ZNF462: variants seen among roughly 807,000 people sequenced by gnomAD.
ZNF462 encodes the protein zinc finger PBX1-interacting protein.
A neutral mutation model predicts 201.9 loss-of-function variants in ZNF462; 10 were observed. That is an observed-to-expected ratio of 0.05 (90% confidence interval 0.03 to 0.08). The LOEUF is 0.08. Ranked by LOEUF, ZNF462 falls within the 10% of genes least tolerant of loss-of-function variation. ZNF462 has a pLI of 1.00. For synonymous variants in ZNF462, 1,227 were observed against 1,193.3 expected (o/e 1.03, Z -0.58); for missense variants, 2,523 against 3,168.3 (o/e 0.80, Z 4.89).
chr9:106,887,684 CCTTTA>C (rs1262442666), intron 1 of ZNF462, among the ~76,000 whole-genome samples: 6 of 152,180 alleles, frequency 3.9e-5, no homozygotes, highest in South Asian at 2.1e-4. Context: ...TCCTTTCTCT[CCTTTA>C]CTTTAATGAG....
chr9:106,991,676 G>T (rs550833394), intron 10 of ZNF462, among the ~76,000 whole-genome samples: 16 of 152,018 alleles, frequency 1.1e-4, no homozygotes, highest in Middle Eastern at 3.4e-3. Context: ...TAGATCAGTA[G>T]TGCAGAAGCA....
In ZNF462 at chr9:106,968,383, C is replaced by CTTT. The variant is rs1405648735; in HGVS notation, c.6428-3620_6428-3619insTTT. Among the ~76,000 whole-genome samples, 3 of 152,188 alleles carry CTTT rather than the reference C, an allele frequency of 2.0e-5. No individual in the cohort carries two copies. In the South Asian group the frequency reaches 6.2e-4, roughly 32 times the overall value. ...ATTTGATCCTGATTTTAATTCATTT[C>CTTT]TTATGATAGCTTACAAACTGGAGAA... On this transcript the variant is annotated intron_variant, in intron 7 of 12. Coordinates refer to ENST00000277225, the MANE Select transcript of ZNF462 (RefSeq NM_021224.6). The surrounding 1 kb of genome is among the most constrained non-coding windows in gnomAD (Gnocchi z 4.0).
rs757080536 is a variant in ZNF462 at position 106,925,253 on chromosome 9, C to T, written c.1341C>T (p.Leu447=). ...TCCAGTGCCCCTTTTGTCCTTTCCT[C>T]ACCATGCATCGACGTAGCATCTCTC... The part of the protein sequence containing the change: ...NRFQCPFCPF[L]TMHRRSISRH... The change falls in exon 3 of 13, where the codon CTC becomes CTT. Residue 447 remains leucine, a synonymous_variant. Coordinates refer to ENST00000277225, the MANE Select transcript of ZNF462 (RefSeq NM_021224.6). This position sits in a 1 kb window ranked among gnomAD's most constrained non-coding sequence, Gnocchi z 7.9. 6 of 1,614,066 alleles carry T rather than the reference C, an allele frequency of 3.7e-6. No homozygotes were observed. The highest frequency in any genetic ancestry group is 5.1e-6 in the Non-Finnish European group (6 of 1,180,044).
rs1826519761 is a variant in ZNF462, at chr9:106,970,179, T to C, written c.6428-1826T>C. 1.3e-5 allele frequency among the ~76,000 whole-genome samples: 2 copies of C among 152,218 alleles called. No homozygotes were observed. Among genetic ancestry groups the C allele is most frequent in the Non-Finnish European group, 2.9e-5 (2 of 68,034 alleles). ...CTGGGTAAAATGAATTCAGTTGTCA[T>C]TCCTTTCTTCCTTTGTCTTCCATTT... On this transcript the variant is annotated intron_variant, in intron 7 of 12. Transcript: ENST00000277225. The surrounding 1 kb of genome is among the most constrained non-coding windows in gnomAD (Gnocchi z 4.2).
intron 1 of ZNF462, among the ~76,000 whole-genome samples, chr9:106,901,825 T>G (rs969932021): frequency 6.6e-6 from 1 of 152,148 alleles, no homozygotes; most frequent in South Asian, 2.1e-4. Context: ...GAGGAGTTCT[T>G]AGGGTTTTCA....
In ZNF462 at chr9:106,880,049, G is replaced by A. The variant is rs1037188553; in HGVS notation, c.-31+16694G>A. On this transcript the variant is annotated intron_variant, in intron 1 of 12. Transcript: ENST00000277225. The surrounding 1 kb of genome is among the most constrained non-coding windows in gnomAD (Gnocchi z 4.1). The stretch of plus-strand genomic sequence containing the variant: ...TGAATTGTTTCTAATATCTGAGACT[G>A]TGTTCTATATGCATTCAAGGCATGG... Among the ~76,000 whole-genome samples, 2 of 152,178 alleles carry A rather than the reference G, an allele frequency of 1.3e-5. No homozygotes were observed. The highest frequency in any genetic ancestry group is 4.8e-5 in the African/African-American group (2 of 41,450).
rs1830324571 is a variant in ZNF462, at chr9:106,929,182, G to A, written c.5270G>A (p.Ser1757Asn). ...SPPKDDSPQL[S>N]EELRRAVEKK... is the part of the protein sequence containing the mutation. ...CCCAAGGACGACTCCCCTCAGCTGA[G>A]CGAGGAACTCCGGCGGGCAGTGGAG... The change falls in exon 3 of 13, where the codon AGC becomes AAC. Residue 1757 changes from serine (S) to asparagine (N), a missense_variant. This residue lies in a region of ZNF462 where 207 missense variants were observed against 231.6 expected (regional missense o/e 0.89). Transcript: ENST00000277225. The surrounding 1 kb of genome is among the most constrained non-coding windows in gnomAD (Gnocchi z 8.7). 3 of 1,614,146 alleles carry A rather than the reference G, an allele frequency of 1.9e-6. No homozygotes were observed. Among genetic ancestry groups the A allele is most frequent in the Non-Finnish European group, 2.5e-6 (3 of 1,180,026 alleles).
At position 106,913,727 on chromosome 9, in the gene ZNF462, A is replaced by G. The variant is rs948476878; in HGVS notation, c.-30-9627A>G. On this transcript the variant is annotated intron_variant, in intron 1 of 12. Coordinates refer to ENST00000277225, the MANE Select transcript of ZNF462 (RefSeq NM_021224.6). The surrounding 1 kb of genome is among the most constrained non-coding windows in gnomAD (Gnocchi z 4.1). ...GTTTTCCTGCCTCAGCCTCCCGAGT[A>G]GCTGGGATTACAGGCACCTGCCACC... is the stretch of plus-strand genomic sequence containing the variant. 1.3e-4 allele frequency among the ~76,000 whole-genome samples: 19 copies of G among 150,190 alleles called. 1 individual carries two copies. Among genetic ancestry groups the G allele is most frequent in the African/African-American group, 3.9e-4 (16 of 41,182 alleles).
At position 106,960,933 on chromosome 9, in the gene ZNF462, C is replaced by T. The variant is rs79944376; in HGVS notation, c.6428-11072C>T. 6.2e-3 allele frequency among the ~76,000 whole-genome samples: 947 copies of T among 152,130 alleles called. 10 individuals carry two copies. The highest frequency in any genetic ancestry group is 0.021 in the African/African-American group (852 of 41,526). On this transcript the variant is annotated intron_variant, in intron 7 of 12. Coordinates refer to ENST00000277225, the MANE Select transcript of ZNF462 (RefSeq NM_021224.6). ...CAAGTCTTTAGGCAAAATGGATAGT[C>T]TGTATGCTACATATCTGGGATGAGT...
chr9:107,004,157 A>T (rs1014550368), intron 11 of ZNF462, among the ~76,000 whole-genome samples: 5 of 152,144 alleles, frequency 3.3e-5, no homozygotes, highest in Admixed American at 3.3e-4. Flanking sequence ...ATTGTGAAAA[A>T]CCCCAGACTA....
intron 10 of ZNF462, among the ~76,000 whole-genome samples, chr9:107,001,913 G>A (rs929507583): frequency 4.6e-5 from 7 of 152,122 alleles, no homozygotes; most frequent in Non-Finnish European, 1.0e-4. Flanking sequence ...TGTTTTAAAA[G>A]AGGTTTTTCC....
intron 1 of ZNF462, among the ~76,000 whole-genome samples, chr9:106,877,161 T>C (rs1255360350): frequency 6.6e-6 from 1 of 152,086 alleles, no homozygotes; most frequent in Non-Finnish European, 1.5e-5. Flanking sequence ...AGGACATTCA[T>C]TGGTAGCTTT....
In ZNF462 at chr9:106,968,052, G is replaced by A. The variant is rs1832161177; in HGVS notation, c.6428-3953G>A. On this transcript the variant is annotated intron_variant, in intron 7 of 12. Transcript: ENST00000277225. This position sits in a 1 kb window ranked among gnomAD's most constrained non-coding sequence, Gnocchi z 4.0. Reference sequence around the variant, plus strand: ...CTTTCCTCTCTACTATGTGTTTATTGCTGAAGCAACGTTCATGTTCTTTTT... The same window carrying A: ...CTTTCCTCTCTACTATGTGTTTATTACTGAAGCAACGTTCATGTTCTTTTT... 6.6e-6 allele frequency among the ~76,000 whole-genome samples: 1 copy of A among 151,868 alleles called. No individual in the cohort carries two copies. The highest frequency in any genetic ancestry group is 3.4e-3 in the Middle Eastern group (1 of 294).
rs1830065713 is a variant in ZNF462, at chr9:106,923,486, G to C, written c.103G>C (p.Asp35His). The change falls in exon 2 of 13, where the codon GAT (aspartate) becomes CAT (histidine). Residue 35 changes from aspartate to histidine, a missense_variant. Physicochemically the swap from Asp to His is moderately conservative, Grantham distance 81. Coordinates refer to ENST00000277225, the MANE Select transcript of ZNF462 (RefSeq NM_021224.6). The surrounding 1 kb of genome is among the most constrained non-coding windows in gnomAD (Gnocchi z 5.6). The stretch of plus-strand genomic sequence containing the variant: ...CCACACGGCATTTCTGCAGCCAACT[G>C]ATGTTGCTGAGGACAATGTGAATGA... ...DVHTAFLQPT[D>H]VAEDNVNELR... is the part of the protein sequence containing the mutation. 5 of 1,614,116 alleles carry C rather than the reference G, an allele frequency of 3.1e-6. No homozygotes were observed. Among genetic ancestry groups the C allele is most frequent in the Non-Finnish European group, 3.4e-6 (4 of 1,180,044 alleles).
chr9:106,939,304 G>A (rs1349398036), intron 7 of ZNF462, among the ~76,000 whole-genome samples, 197 bp downstream of exon 7: 3 of 152,148 alleles, frequency 2.0e-5, no homozygotes, highest in Non-Finnish European at 2.9e-5. Flanking sequence ...TCTGTGTGAC[G>A]CCATGATGAA....
In ZNF462 at chr9:106,876,288, C is replaced by T. The variant is rs1439323466; in HGVS notation, c.-31+12933C>T. Among the ~76,000 whole-genome samples, 1 of 152,174 alleles carries T rather than the reference C, an allele frequency of 6.6e-6. No individual in the cohort carries two copies. The highest frequency in any genetic ancestry group is 2.4e-5 in the African/African-American group (1 of 41,446). On this transcript the variant is annotated intron_variant, in intron 1 of 12. Coordinates refer to ENST00000277225, the MANE Select transcript of ZNF462 (RefSeq NM_021224.6). The surrounding 1 kb of genome is among the most constrained non-coding windows in gnomAD (Gnocchi z 4.9). Reference sequence around the variant, plus strand: ...TAAAAAATAATATGTGTCTAAGAGTCCTGGCTCATAATGGCCAGGAAGGAA... The same window carrying T: ...TAAAAAATAATATGTGTCTAAGAGTTCTGGCTCATAATGGCCAGGAAGGAA...
At chr9:106,999,817 T>G (rs1194428299) in intron 10 of ZNF462, among the ~76,000 whole-genome samples, 1 of 152,176 alleles carries the variant, frequency 6.6e-6, no homozygotes, top group Non-Finnish European at 1.5e-5. Context: ...AATGAAGATA[T>G]CCAGTAGCCA....
At chr9:106,881,870 A>G (rs998462686) in intron 1 of ZNF462, among the ~76,000 whole-genome samples, 17 of 152,196 alleles carry the variant, frequency 1.1e-4, no homozygotes, top group African/African-American at 4.1e-4. Flanking sequence ...TGAACATTCT[A>G]TAATAGATTA....
At chr9:106,884,923 C>G (rs1828254606) in intron 1 of ZNF462, among the ~76,000 whole-genome samples, 1 of 152,100 alleles carries the variant, frequency 6.6e-6, no homozygotes, top group Admixed American at 6.5e-5. Context: ...AATAGTATGC[C>G]TGATGTGTAG....
Sources: gnomAD v4.1 joint callset for allele counts (sites outside exome capture counted in the v4.1 genomes callset) on GRCh38, gnomAD v4.1.1 for gene constraint, gnomAD v4.1.1 regional missense constraint, Gnocchi (gnomAD v3.1) non-coding constraint, MANE v1.5 for transcripts, NCBI Gene and HGNC (gene_info 2026-07-23, HGNC 2026-07-21) for gene names.